Variants in FDFT1 observed in about 807,000 individuals in gnomAD.
FDFT1 encodes the protein farnesyl-diphosphate farnesyltransferase 1, also known as squalene synthase.
In FDFT1, 68 loss-of-function variants were observed where a neutral mutation model predicts 46.8. The ratio of observed to expected loss-of-function variants is 1.45; its 90% CI spans 1.19 to 1.78. The LOEUF is 1.78. Among genes scored for constraint, FDFT1 ranks in the 40% most tolerant of loss-of-function variants. The probability of loss-of-function intolerance (pLI) is 0.00; values close to 1 mark genes in which losing one functional copy is unlikely to be tolerated. For missense variants in FDFT1, 928 were observed against 524.4 expected (o/e 1.77, Z -7.52); for synonymous variants, 351 against 185.1 (o/e 1.90, Z -7.28).
At chr8:11,802,388 G>A (rs1477652447), upstream of FDFT1, 1 of 456,052 alleles carries the variant, frequency 2.2e-6, no homozygotes, top group South Asian at 1.6e-5. Flanking sequence ...ACCACCGTTG[G>A]GCTCCTGCGC....
upstream of FDFT1, among the ~76,000 whole-genome samples, chr8:11,798,374 G>C (rs946459043): frequency 6.6e-6 from 1 of 152,166 alleles, no homozygotes; most frequent in Admixed American, 6.6e-5. Flanking sequence ...GTGTGTTTTA[G>C]ACGAATAACT....
chr8:11,821,616 A>AT (rs1320665574), intron 3 of FDFT1, 134 bp from the exon 4 acceptor site: 2 of 1,060,130 alleles, frequency 1.9e-6, no homozygotes, highest in Non-Finnish European at 1.4e-6. Flanking sequence ...AACAAAAAAA[A>AT]TGTGTGACCT....
At position 11,830,356 on chromosome 8, in the gene FDFT1, A is replaced by C. The variant is rs779248530; in HGVS notation, c.815A>C (p.Asp272Ala). 2 of 1,613,936 alleles carry C rather than the reference A, an allele frequency of 1.2e-6. No individual in the cohort carries two copies. The highest frequency in any genetic ancestry group is 1.7e-5 in the Admixed American group (1 of 60,008). The change falls in exon 6 of 8, where the codon GAT becomes GCT. Residue 272 changes from aspartate to alanine, a missense_variant. By Grantham distance (126) the Asp-to-Ala change is moderately radical. Transcript: ENST00000220584. ...ACCAATGCACTGCACCACATCCCAG[A>C]TGTCATCACCTACCTTTCGAGACTC... The part of the protein sequence containing the change: ...LITNALHHIP[D>A]VITYLSRLRN...
chr8:11,803,615 T>G, intron 1 of FDFT1: 1 of 542,874 alleles, frequency 1.8e-6, no homozygotes, highest in Middle Eastern at 7.7e-4. Flanking sequence ...ACAAGAAAAT[T>G]ATTCGTACGC....
At chr8:11,830,845 C>T (rs886195364) in intron 6 of FDFT1, among the ~76,000 whole-genome samples, 5 of 152,196 alleles carry the variant, frequency 3.3e-5, no homozygotes, top group Non-Finnish European at 7.3e-5. Context: ...TAGACCTAGC[C>T]TCTCAGTATG....
chr8:11,798,552 G>A (rs1338787969), upstream of FDFT1, among the ~76,000 whole-genome samples: 3 of 152,226 alleles, frequency 2.0e-5, no homozygotes, highest in Admixed American at 6.5e-5. Context: ...TGGATATAAG[G>A]AGAGAAAGGG....
intron 3 of FDFT1, among the ~76,000 whole-genome samples, chr8:11,815,531 G>C (rs967058691): frequency 6.6e-6 from 1 of 152,192 alleles, no homozygotes; most frequent in South Asian, 2.1e-4. Context: ...TCCAGCATCT[G>C]TTGTTTCCTG....
rs916987710 is a variant in FDFT1 at position 11,809,005 on chromosome 8, C to T, written c.197+114C>T. ...CAGCGTTGCAGCCTCGTTGCTGTGGCTTATCCAGAACATAGCCCGGCCCTA... is the reference window on the plus strand; with the variant it reads ...CAGCGTTGCAGCCTCGTTGCTGTGGTTTATCCAGAACATAGCCCGGCCCTA... On this transcript the variant is annotated intron_variant, in intron 2 of 7. Transcript: ENST00000220584. 5 of 1,476,142 alleles carry T rather than the reference C, an allele frequency of 3.4e-6. No individual in the cohort carries two copies. In the African/African-American group the frequency reaches 5.6e-5, roughly 17 times the overall value. The allele number at this position is 1,476,142 out of a possible 1,614,324, so 91.4% of individuals were successfully genotyped here. A position where few individuals can be genotyped will look rare whatever the true frequency, so the allele number is the denominator to read the frequency against.
At chr8:11,822,337 C>A (rs1809370177) in intron 4 of FDFT1, among the ~76,000 whole-genome samples, 1 of 151,946 alleles carries the variant, frequency 6.6e-6, no homozygotes, top group Non-Finnish European at 1.5e-5. Flanking sequence ...ATACCTTTAA[C>A]TGTGCTTAAA....
At chr8:11,826,830 GC>G (rs762843639) in intron 5 of FDFT1, among the ~76,000 whole-genome samples, 88 of 152,074 alleles carry the variant, frequency 5.8e-4, no homozygotes, top group South Asian at 1.5e-3. Context: ...AAGAGGAAGG[GC>G]TTGGTTCTTC....
At position 11,839,051 on chromosome 8, in the gene FDFT1, A is replaced by T. The variant is rs1811969225; in HGVS notation, c.*442A>T. 2 of 173,388 alleles carry T rather than the reference A, an allele frequency of 1.2e-5. No homozygotes were observed. Among genetic ancestry groups the T allele is most frequent in the South Asian group, 2.4e-4 (2 of 8,276 alleles). The allele number at this position is 173,388 out of a possible 1,614,324, so 10.7% of individuals were successfully genotyped here. ...TTTTCTCATCATTTTGTTTTCTTTA[A>T]TTGGGTTGAATGGAGTAGATAGAAA... On this transcript the variant is annotated 3_prime_UTR_variant, in exon 8 of 8. Transcript: ENST00000220584.
chr8:11,797,229 G>T (rs1285842261), intron 1 of FDFT1, among the ~76,000 whole-genome samples: 1 of 152,058 alleles, frequency 6.6e-6, no homozygotes, highest in African/African-American at 2.4e-5. Flanking sequence ...GTCGAATCTC[G>T]CCTTCTATCT....
chr8:11,796,266 G>A (rs951379673), intron 1 of FDFT1, among the ~76,000 whole-genome samples: 1 of 152,178 alleles, frequency 6.6e-6, no homozygotes, highest in African/African-American at 2.4e-5. Flanking sequence ...TGACTGGACT[G>A]TTTGTGTTCT....
chr8:11,800,260 CAAAAAAAAAAAAAAAAAAAAA>C (rs57381182), upstream of FDFT1, among the ~76,000 whole-genome samples: 1 of 57,892 alleles, frequency 1.7e-5, no homozygotes, highest in Non-Finnish European at 2.8e-5. Context: ...AATTCTGTCT[CAAAAAAAAAAAAAAAAAAAAA>C]AAAAAAAAAA....
At chr8:11,802,603 C>A (rs1806259721), upstream of FDFT1, 2 of 600,742 alleles carry the variant, frequency 3.3e-6, no homozygotes, top group African/African-American at 3.7e-5. Flanking sequence ...GTGTGAGCGG[C>A]CCTGGCCAAT....
chr8:11,828,416 T>A lies in FDFT1; in HGVS notation c.703-1828T>A, dbSNP rs533175254. ...AAACCACTCTTGTCTTACCCCTCTTTTGCAGACACAGGGCTCAGAGAAGGG... is the reference window on the plus strand; with the variant it reads ...AAACCACTCTTGTCTTACCCCTCTTATGCAGACACAGGGCTCAGAGAAGGG... On this transcript the variant is annotated intron_variant, in intron 5 of 7. Transcript: ENST00000220584. Among the ~76,000 whole-genome samples, 310 of 152,330 alleles carry A rather than the reference T, an allele frequency of 2.0e-3. 3 individuals carry two copies. Among genetic ancestry groups the A allele is most frequent in the African/African-American group, 7.2e-3 (299 of 41,574 alleles).
upstream of FDFT1, chr8:11,802,118 G>C: frequency 1.1e-5 from 5 of 454,596 alleles, no homozygotes; most frequent in East Asian, 6.9e-5. Flanking sequence ...ACACTAGAGA[G>C]GGGGCAGCTG....
At position 11,821,865 on chromosome 8, in the gene FDFT1, A is replaced by G. The variant is rs913433426; in HGVS notation, c.497A>G (p.Gln166Arg). The G allele has an allele frequency of 1.2e-6, 2 of 1,613,186 alleles. No individual in the cohort carries two copies. Among genetic ancestry groups the G allele is most frequent in the Non-Finnish European group, 1.7e-6 (2 of 1,179,316 alleles). Residue 166 changes from glutamine (Q) to arginine (R), a missense_variant, in exon 4 of 8, where the codon CAG becomes CGG. Physicochemically the swap from Gln to Arg is conservative, Grantham distance 43 (BLOSUM62 1). Transcript: ENST00000220584. ...EFLDKHVTSE[Q>R]EWDKYCHYVA... ...TTGGATAAGCATGTGACCTCTGAACAGGAGTGGGACAAGGTTAGTCTCATA... is the reference window on the plus strand; with the variant it reads ...TTGGATAAGCATGTGACCTCTGAACGGGAGTGGGACAAGGTTAGTCTCATA...
intron 3 of FDFT1, among the ~76,000 whole-genome samples, chr8:11,817,414 C>G (rs1200975569): frequency 6.6e-6 from 1 of 151,724 alleles, no homozygotes; most frequent in Non-Finnish European, 1.5e-5. Flanking sequence ...CCCTCTTTTT[C>G]TATTGGAATA....
Sources: gnomAD v4.1 joint callset for allele counts (sites outside exome capture counted in the v4.1 genomes callset) on GRCh38, gnomAD v4.1.1 for gene constraint, MANE v1.5 for transcripts, NCBI Gene and HGNC (gene_info 2026-07-23, HGNC 2026-07-21) for gene names.